The following PADI1 variants were observed in gnomAD, a reference collection of about 807,000 sequenced individuals.
PADI1 encodes the protein protein-arginine deiminase type-1.
PADI1 carries 65 observed loss-of-function variants against 74.8 expected under a neutral mutation model. The ratio of observed to expected loss-of-function variants is 0.87; its 90% confidence interval spans 0.71 to 1.07. PADI1 has a LOEUF of 1.07. Among genes scored for constraint, PADI1 ranks in the 50% least tolerant of loss-of-function variants. The pLI, the probability that PADI1 is intolerant of heterozygous loss-of-function variation, is 0.00. For synonymous variants in PADI1, 371 were observed against 336.2 expected (o/e 1.10, Z -1.13); for missense variants, 943 against 854.0 (o/e 1.10, Z -1.30).
chr1:17,217,986 T>G (rs2072025944), intron 1 of PADI1, among the ~76,000 whole-genome samples: 2 of 152,292 alleles, frequency 1.3e-5, no homozygotes, highest in East Asian at 3.8e-4. Flanking sequence ...ATATCCTAGA[T>G]GAATGAATGA....
rs555787810 is a variant in PADI1 at position 17,226,738 on chromosome 1, AC to A, written c.652+583del. ...AGAGCAGCCTGGCCAACACAGTGAA[AC>A]CCTGTCTCTATTAAAAATACAAAAA... On this transcript the variant is annotated intron_variant, in intron 6 of 15. Transcript: ENST00000375471. Among the ~76,000 whole-genome samples the A allele has an allele frequency of 1.4e-3, 218 of 152,202 alleles. 1 individual carries two copies. The highest frequency in any genetic ancestry group is 5.1e-3 in the African/African-American group (212 of 41,528).
At chr1:17,209,985 G>T (rs547815682) in intron 1 of PADI1, among the ~76,000 whole-genome samples, 41 of 152,052 alleles carry the variant, frequency 2.7e-4, no homozygotes, top group African/African-American at 9.6e-4. Context: ...CCCCCAAGTA[G>T]CTGGGATTAC....
At chr1:17,212,296 G>T (rs1043617395) in intron 1 of PADI1, among the ~76,000 whole-genome samples, 15 of 152,182 alleles carry the variant, frequency 9.9e-5, no homozygotes, top group African/African-American at 3.6e-4. Flanking sequence ...CTGGCCAGGC[G>T]TGCAGGGGAG....
intron 11 of PADI1, among the ~76,000 whole-genome samples, chr1:17,236,534 C>T (rs928964106): frequency 2.0e-5 from 3 of 152,128 alleles, no homozygotes; most frequent in South Asian, 2.1e-4. Flanking sequence ...GTGGGGGGGT[C>T]GCTTGAATCC....
rs373705429 is a variant in PADI1, at chr1:17,231,430, C to T, written c.1161+751C>T. 7.9e-5 allele frequency among the ~76,000 whole-genome samples: 12 copies of T among 152,296 alleles called. 1 individual carries two copies. The South Asian group carries it at 8.3e-4, about 11-fold the overall frequency. ...GAGTCCACAGTCTCTGCCTGTTTCC[C>T]GGCTCCCACTCTTCCACTGCTGGGA... On this transcript the variant is annotated intron_variant, in intron 10 of 15. Transcript: ENST00000375471.
intron 2 of PADI1, 49 bp from the exon 3 acceptor site, chr1:17,223,572 G>T (rs202077249): frequency 6.8e-6 from 10 of 1,480,230 alleles, no homozygotes; most frequent in Non-Finnish European, 9.4e-6. Context: ...CTCTGCCTCC[G>T]CCATCTCTGA....
intron 1 of PADI1, among the ~76,000 whole-genome samples, chr1:17,210,568 C>T (rs1034781779): frequency 2.0e-5 from 3 of 152,066 alleles, no homozygotes; most frequent in African/African-American, 7.2e-5. Flanking sequence ...AGCCTGCGCC[C>T]TCAGCCTGGG....
intron 1 of PADI1, among the ~76,000 whole-genome samples, chr1:17,206,751 AT>A (rs1377629386): frequency 7.5e-6 from 1 of 133,140 alleles, no homozygotes; most frequent in African/African-American, 2.9e-5. Flanking sequence ...CAGTGGCGAG[AT>A]CTTTGCTCAC....
At chr1:17,230,530 C>A in intron 9 of PADI1, 42 bp from the exon 10 acceptor site, 1 of 1,411,358 alleles carries the variant, frequency 7.1e-7, no homozygotes, top group Non-Finnish European at 9.8e-7. Flanking sequence ...TGTAAACCAC[C>A]CGAAAAAGGT....
At chr1:17,241,272 C>A (rs1442919358) in intron 15 of PADI1, among the ~76,000 whole-genome samples, 2 of 152,224 alleles carry the variant, frequency 1.3e-5, no homozygotes, top group Non-Finnish European at 2.9e-5. Context: ...CAGATGTGAT[C>A]TCAACTGGGA....
chr1:17,226,177 C>T lies in PADI1; in HGVS notation c.652+19C>T, dbSNP rs2072306102. ...GCCAGGGGTGAGTGGCCTGATGGGG[C>T]CTTTTCCTCCCAGCTCCATCCATAT... is the stretch of plus-strand genomic sequence containing the variant. On this transcript the variant is annotated intron_variant, in intron 6 of 15. Transcript: ENST00000375471. 1.9e-6 allele frequency: 3 copies of T among 1,613,286 alleles called. No homozygotes were observed. The highest frequency in any genetic ancestry group is 2.5e-6 in the Non-Finnish European group (3 of 1,179,506).
chr1:17,216,182 G>A (rs978129796), intron 1 of PADI1, among the ~76,000 whole-genome samples: 11 of 152,162 alleles, frequency 7.2e-5, no homozygotes, highest in African/African-American at 2.4e-4. Flanking sequence ...ACAGGCTCTG[G>A]TGACAGCCTC....
intron 1 of PADI1, among the ~76,000 whole-genome samples, chr1:17,219,630 G>A (rs2072079373): frequency 6.6e-6 from 1 of 152,134 alleles, no homozygotes; most frequent in Non-Finnish European, 1.5e-5. Flanking sequence ...GAGGAACATG[G>A]CAGGAGCTGG....
rs868223226 is a variant in PADI1 at position 17,236,678 on chromosome 1, C to T, written c.1314-636C>T. Among the ~76,000 whole-genome samples, 17 of 151,734 alleles carry T rather than the reference C, an allele frequency of 1.1e-4. 1 individual carries two copies. Among genetic ancestry groups the T allele is most frequent in the African/African-American group, 3.6e-4 (15 of 41,318 alleles). On this transcript the variant is annotated intron_variant, in intron 11 of 15. Coordinates refer to ENST00000375471, the MANE Select transcript of PADI1 (RefSeq NM_013358.3). Reference sequence around the variant, plus strand: ...CTGAGGTGGGAGGATCACTTGAGCACGGGAGGTTGAGGCTGCAGTGAGCCA... The same window carrying T: ...CTGAGGTGGGAGGATCACTTGAGCATGGGAGGTTGAGGCTGCAGTGAGCCA...
intron 1 of PADI1, 26 bp from the exon 2 acceptor site, chr1:17,222,260 GGTTC>G: frequency 1.9e-6 from 3 of 1,556,904 alleles, no homozygotes; most frequent in Non-Finnish European, 2.7e-6. Flanking sequence ...TGGGAAGACT[GGTTC>G]TCTTCCCATC....
chr1:17,238,404 A>T (rs1426618286), intron 12 of PADI1, among the ~76,000 whole-genome samples: 1 of 152,244 alleles, frequency 6.6e-6, no homozygotes, highest in Non-Finnish European at 1.5e-5. Flanking sequence ...AAGGGCGTCC[A>T]GGGAGGGAGA....
At position 17,221,931 on chromosome 1, in the gene PADI1, G is replaced by A. The variant is rs147803178; in HGVS notation, c.93-359G>A. On this transcript the variant is annotated intron_variant, in intron 1 of 15. Transcript: ENST00000375471. Reference sequence around the variant, plus strand: ...ACTGGAGGGGCCTGGGTGGGACCACGGACCCATGAGAAAGCTGCTCGGTGA... The same window carrying A: ...ACTGGAGGGGCCTGGGTGGGACCACAGACCCATGAGAAAGCTGCTCGGTGA... Among the ~76,000 whole-genome samples the A allele has an allele frequency of 4.2e-3, 639 of 152,340 alleles. 1 individual carries two copies. Among genetic ancestry groups the A allele is most frequent in the African/African-American group, 0.014 (562 of 41,576 alleles).
intron 6 of PADI1, among the ~76,000 whole-genome samples, chr1:17,226,723 G>A (rs903550160): frequency 2.6e-5 from 4 of 152,144 alleles, no homozygotes; most frequent in African/African-American, 9.7e-5. Context: ...AGAGCAGCCT[G>A]GCCAACACAG....
At chr1:17,237,195 C>A (rs1293336746) in intron 11 of PADI1, 119 bp from the exon 12 acceptor site, 1 of 1,190,672 alleles carries the variant, frequency 8.4e-7, no homozygotes, top group South Asian at 1.5e-5. Context: ...CTCTACGCCC[C>A]ACGTTTAAAG....
Sources: allele counts gnomAD v4.1 joint callset (sites outside exome capture counted in the v4.1 genomes callset), GRCh38; gene constraint gnomAD v4.1.1; transcripts MANE v1.5; gene names NCBI Gene and HGNC (gene_info 2026-07-23, HGNC 2026-07-21).